ATE1: variants seen among roughly 807,000 people sequenced by gnomAD.
The protein encoded by ATE1 is arginyltransferase 1.
A neutral mutation model predicts 70.5 loss-of-function variants in ATE1; 36 were observed. The observed-to-expected ratio is 0.51, with a 90% CI of 0.39 to 0.67. ATE1 has a LOEUF of 0.67. ATE1 is among the 30% of genes least tolerant of loss of function. The pLI, the probability that ATE1 is intolerant of heterozygous loss-of-function variation, is 0.00. For synonymous variants in ATE1, 232 were observed against 219.3 expected (o/e 1.06, Z -0.51); for missense variants, 593 against 629.5 (o/e 0.94, Z 0.62).
At chr10:121,903,280 G>A (rs1440727844) in intron 5 of ATE1, among the ~76,000 whole-genome samples, 1 of 152,122 alleles carries the variant, frequency 6.6e-6, no homozygotes, top group Non-Finnish European at 1.5e-5. Context: ...TGCATTAAAA[G>A]GACACTGCTA....
At chr10:121,752,906 T>C (rs1944646842) in intron 11 of ATE1, among the ~76,000 whole-genome samples, 1 of 152,248 alleles carries the variant, frequency 6.6e-6, no homozygotes. Flanking sequence ...AATAGATCAC[T>C]GCTCTGAATC....
Position 121,924,259 on chromosome 10 carries a change from G to GCTTT in ATE1, c.170+3_170+6dup, listed in dbSNP as rs1564972647. On this transcript the variant is annotated splice_region_variant and intron_variant, in intron 2 of 11. Transcript: ENST00000224652. ...GTAGGAAGTCTCTTTGTATCTGGAA[G>GCTTT]CTTTACCTTCGCCATCCTCGGTCTA... 3 of 1,612,826 alleles carry GCTTT rather than the reference G, an allele frequency of 1.9e-6. No individual in the cohort carries two copies. The South Asian group carries it at 3.3e-5, about 18-fold the overall frequency.
intron 4 of ATE1, among the ~76,000 whole-genome samples, chr10:121,911,809 C>T (rs972493669): frequency 1.3e-5 from 2 of 151,984 alleles, no homozygotes; most frequent in African/African-American, 4.8e-5. Flanking sequence ...TGCAGGGGCG[C>T]GACCTCGGCT....
At chr10:121,772,779 G>A (rs1247206315) in intron 11 of ATE1, among the ~76,000 whole-genome samples, 1 of 152,204 alleles carries the variant, frequency 6.6e-6, no homozygotes, top group African/African-American at 2.4e-5. Context: ...ATACTTTTGA[G>A]ATAGCCATGA....
chr10:121,849,937 A>G (rs976291369), intron 8 of ATE1, among the ~76,000 whole-genome samples: 6 of 152,200 alleles, frequency 3.9e-5, no homozygotes, highest in African/African-American at 1.4e-4. Flanking sequence ...ATGTTTGTTT[A>G]TGAACACATC....
At chr10:121,811,366 G>A (rs571201272) in intron 10 of ATE1, among the ~76,000 whole-genome samples, 1 of 152,242 alleles carries the variant, frequency 6.6e-6, no homozygotes, top group African/African-American at 2.4e-5. Flanking sequence ...TCTGACAAAA[G>A]AGTACACTGT....
In ATE1 at chr10:121,864,808, A is replaced by G. The variant is rs562493935; in HGVS notation, c.975+5198T>C. Among the ~76,000 whole-genome samples, 14 of 152,098 alleles carry G rather than the reference A, an allele frequency of 9.2e-5. No individual in the cohort carries two copies. In the South Asian group the frequency reaches 2.9e-3, roughly 32 times the overall value. ...GAAGCTATTTTGTCCCCCTAGGGAC[A>G]TTTGGCAAAGTCTGGAGACATTTTG... On this transcript the variant is annotated intron_variant, in intron 8 of 11. Transcript: ENST00000224652.
rs151301935 is a variant in ATE1, at chr10:121,814,066, A to G, written c.1257+22652T>C. ...TGAAACGGACTTCCCTGTATAAGAC[A>G]AACACAACAGAAAAAAATGGGAGGA... On this transcript the variant is annotated intron_variant, in intron 10 of 11. Transcript: ENST00000224652. Among the ~76,000 whole-genome samples, 447 of 152,334 alleles carry G rather than the reference A, an allele frequency of 2.9e-3. 1 individual carries two copies. Among genetic ancestry groups the G allele is most frequent in the African/African-American group, 0.01 (429 of 41,578 alleles).
At chr10:121,879,643 A>G (rs1950167775) in intron 7 of ATE1, among the ~76,000 whole-genome samples, 2 of 152,210 alleles carry the variant, frequency 1.3e-5, no homozygotes, top group African/African-American at 4.8e-5. Flanking sequence ...CAATGAGTAA[A>G]TGAATATTCA....
chr10:121,749,614 A>G (rs1440134537), intron 11 of ATE1, among the ~76,000 whole-genome samples: 6 of 152,246 alleles, frequency 3.9e-5, no homozygotes, highest in Non-Finnish European at 1.5e-5. Context: ...TGAATATTCA[A>G]TAACGACATT....
At position 121,767,448 on chromosome 10, in the gene ATE1, A is replaced by G. The variant is rs375188997; in HGVS notation, c.1378+22721T>C. Among the ~76,000 whole-genome samples, 33 of 152,240 alleles carry G rather than the reference A, an allele frequency of 2.2e-4. 1 individual carries two copies. In the East Asian group the frequency reaches 4.6e-3, roughly 21 times the overall value. On this transcript the variant is annotated intron_variant, in intron 11 of 11. Transcript: ENST00000224652. The stretch of plus-strand genomic sequence containing the variant: ...GACAGACTGTAAAGGAAGAAATAAA[A>G]CCATTTCTATTTGCAGATGACATGA...
chr10:121,927,447 T>C (rs1952141397), intron 1 of ATE1: 39 of 984,550 alleles, frequency 4.0e-5, no homozygotes, highest in Non-Finnish European at 4.7e-5. Context: ...CACCCACAGC[T>C]CCCTCTGCAC....
rs375713121 is a variant in ATE1 at position 121,910,927 on chromosome 10, C to A, written c.562G>T (p.Val188Phe). ...CTACCTGGCTTAGGAACTGTGTGAA[C>A]TTTAACTGAATGTGACGGTTCACCA... Reference protein sequence around the residue: ...GSGEPSHSVKVHTVPKPGKGA... With the variant: ...GSGEPSHSVKFHTVPKPGKGA... Residue 188 changes from valine (V) to phenylalanine (F), a missense_variant, in exon 5 of 12, where the codon GTT becomes TTT. By Grantham distance (50) the Val-to-Phe change is conservative. This residue lies in a region of ATE1 where 467 missense variants were observed against 469.6 expected (regional missense o/e 0.99). Transcript: ENST00000224652. 6.8e-6 allele frequency: 11 copies of A among 1,613,604 alleles called. No homozygotes were observed. Among genetic ancestry groups the A allele is most frequent in the Non-Finnish European group, 7.6e-6 (9 of 1,179,942 alleles).
chr10:121,907,076 A>C (rs1951225406), intron 5 of ATE1, among the ~76,000 whole-genome samples: 1 of 152,202 alleles, frequency 6.6e-6, no homozygotes, highest in African/African-American at 2.4e-5. Flanking sequence ...GTGATATTCT[A>C]ATCTAATTTT....
At chr10:121,813,715 G>A (rs1301681502) in intron 10 of ATE1, among the ~76,000 whole-genome samples, 1 of 152,176 alleles carries the variant, frequency 6.6e-6, no homozygotes, top group Admixed American at 6.5e-5. Context: ...TGGCAAGCAG[G>A]TGGAACAGGA....
At chr10:121,896,823 CAAAAAA>C (rs869156572) in intron 7 of ATE1, among the ~76,000 whole-genome samples, 38 of 28,348 alleles carry the variant, frequency 1.3e-3, no homozygotes, top group African/African-American at 6.3e-3. Context: ...GACTTTGTCT[CAAAAAA>C]AAAAAAAAAA....
intron 11 of ATE1, 115 bp from the exon 12 acceptor site, chr10:121,743,973 A>T (rs548776390): frequency 3.4e-6 from 4 of 1,161,294 alleles, no homozygotes; most frequent in African/African-American, 3.8e-5. Flanking sequence ...CCCAGGCTGG[A>T]GTGCAGTGGC....
chr10:121,911,165 G>T lies in ATE1; in HGVS notation c.338-14C>A, dbSNP rs377608855. The T allele has an allele frequency of 6.3e-7, 1 of 1,598,606 alleles. No homozygotes were observed. Among genetic ancestry groups the T allele is most frequent in the Non-Finnish European group, 8.5e-7 (1 of 1,176,838 alleles). On this transcript the variant is annotated splice_polypyrimidine_tract_variant and intron_variant, in intron 4 of 11. Transcript: ENST00000224652. ...CCATGGGCTCATCTACAAATCAGAA[G>T]AAATTAAAAATCCATCAGCTGGGTT...
At chr10:121,905,865 T>C (rs1477918015) in intron 5 of ATE1, among the ~76,000 whole-genome samples, 1 of 143,170 alleles carries the variant, frequency 7.0e-6, no homozygotes, top group Non-Finnish European at 1.5e-5. Flanking sequence ...GAAAAAAAAG[T>C]AGGATTTCAG....
Sources: allele counts gnomAD v4.1 joint callset (sites outside exome capture counted in the v4.1 genomes callset), GRCh38; gene constraint gnomAD v4.1.1; regional missense constraint gnomAD v4.1.1; transcripts MANE v1.5; gene names NCBI Gene and HGNC (gene_info 2026-07-23, HGNC 2026-07-21).